The following FBXW8 variants were observed in gnomAD, a reference collection of about 807,000 sequenced individuals.
FBXW8 encodes F-box/WD repeat-containing protein 8.
In FBXW8, 57 loss-of-function variants were observed where a neutral mutation model predicts 65.3. That is an observed-to-expected ratio of 0.87 (90% CI 0.71 to 1.09). The LOEUF (loss-of-function observed/expected upper bound fraction) is 1.09, where lower values mean the gene tolerates loss of function less well. Ranked by LOEUF, FBXW8 falls within the 50% of genes least tolerant of loss-of-function variation. The pLI is 0.00. For missense variants in FBXW8, 777 were observed against 814.8 expected, an observed-to-expected ratio of 0.95 and a Z score of 0.57; for synonymous variants, 308 against 330.2, an observed-to-expected ratio of 0.93 and a Z score of 0.73.
chr12:116,952,041 C>G (rs1883317165), intron 4 of FBXW8, among the ~76,000 whole-genome samples: 1 of 152,212 alleles, frequency 6.6e-6, no homozygotes, highest in Non-Finnish European at 1.5e-5. Flanking sequence ...TTTGACATTT[C>G]TTTCCAAGCT....
At chr12:116,937,349 A>C (rs1882238979) in intron 2 of FBXW8, among the ~76,000 whole-genome samples, 1 of 152,170 alleles carries the variant, frequency 6.6e-6, no homozygotes, top group Non-Finnish European at 1.5e-5. Flanking sequence ...ACATTAAGGA[A>C]GTGAATGTAA....
chr12:116,925,536 T>C (rs1365635508), intron 1 of FBXW8, among the ~76,000 whole-genome samples: 1 of 152,204 alleles, frequency 6.6e-6, no homozygotes, highest in Admixed American at 6.5e-5. Flanking sequence ...TGGTTTCTTT[T>C]TTTTCCCTGC....
rs75012442 is a variant in FBXW8, at chr12:116,984,050, A to G, written c.836-1156A>G. ...TGGTGAATTTTGAAAAATTGAATCA[A>G]TTGGAATTGGAGCAAGGCATTAACC... is the stretch of plus-strand genomic sequence containing the variant. On this transcript the variant is annotated intron_variant, in intron 5 of 10. Transcript: ENST00000652555. Among the ~76,000 whole-genome samples, 653 of 152,296 alleles carry G rather than the reference A, an allele frequency of 4.3e-3. 3 individuals are homozygous for G. Among genetic ancestry groups the G allele is most frequent in the African/African-American group, 0.015 (604 of 41,564 alleles).
At position 116,949,928 on chromosome 12, in the gene FBXW8, A is replaced by G. The variant is rs1883172292; in HGVS notation, c.677+222A>G. The G allele has an allele frequency of 5.8e-6, 3 of 514,518 alleles. No homozygotes were observed. In the South Asian group the frequency reaches 8.3e-5, roughly 14 times the overall value. The allele number at this position is 514,518 out of a possible 1,614,324, so 31.9% of individuals were successfully genotyped here. ...ATGGTGTAGAGCGGATCTGTGATCC[A>G]TTTGTCTCAATATGTCTTTCCCAGC... On this transcript the variant is annotated intron_variant, in intron 4 of 10. Transcript: ENST00000652555.
At chr12:116,985,110 C>T (rs571218021) in intron 5 of FBXW8, 96 bp from the exon 6 acceptor site, 78 of 1,088,896 alleles carry the variant, frequency 7.2e-5, no homozygotes, top group Non-Finnish European at 8.5e-5. Flanking sequence ...AAGGTATCTC[C>T]GTTAAAAAAT....
chr12:116,969,109 A>T (rs1440771766), intron 5 of FBXW8, among the ~76,000 whole-genome samples: 1 of 152,022 alleles, frequency 6.6e-6, no homozygotes, highest in Non-Finnish European at 1.5e-5. Flanking sequence ...ATTTACATCA[A>T]GCTTGTCAGT....
At chr12:117,004,307 ATTCT>A (rs1953622192) in intron 7 of FBXW8, among the ~76,000 whole-genome samples, 2 of 151,838 alleles carry the variant, frequency 1.3e-5, no homozygotes, top group Non-Finnish European at 1.5e-5. Context: ...CTTATTTTGT[ATTCT>A]TTATTTGATC....
chr12:116,966,140 A>T (rs1884313123), intron 5 of FBXW8, among the ~76,000 whole-genome samples: 1 of 151,986 alleles, frequency 6.6e-6, no homozygotes, highest in Admixed American at 6.6e-5. Flanking sequence ...CTACTGATGG[A>T]TTTCCTTTTC....
At chr12:116,942,244 C>T (rs559441911) in intron 2 of FBXW8, among the ~76,000 whole-genome samples, 1 of 151,790 alleles carries the variant, frequency 6.6e-6, no homozygotes, top group African/African-American at 2.4e-5. Flanking sequence ...TCAGTGTGGC[C>T]TCAACTCATT....
At chr12:116,999,856 C>T (rs1953469609) in intron 7 of FBXW8, among the ~76,000 whole-genome samples, 1 of 152,238 alleles carries the variant, frequency 6.6e-6, no homozygotes, top group African/African-American at 2.4e-5. Context: ...TCTTCCTCTC[C>T]TGTCTTGCCA....
chr12:116,983,721 G>A (rs934644530), intron 5 of FBXW8, among the ~76,000 whole-genome samples: 10 of 152,176 alleles, frequency 6.6e-5, no homozygotes, highest in African/African-American at 1.9e-4. Context: ...CTAGATTTAC[G>A]GATGATCAAT....
intron 7 of FBXW8, among the ~76,000 whole-genome samples, chr12:116,996,146 G>C (rs1953368018): frequency 6.6e-6 from 1 of 152,168 alleles, no homozygotes; most frequent in Non-Finnish European, 1.5e-5. Context: ...TAGGTCTGAA[G>C]TACTTGGCAT....
chr12:117,014,899 T>C (rs1256144785), intron 8 of FBXW8, among the ~76,000 whole-genome samples: 1 of 152,162 alleles, frequency 6.6e-6, no homozygotes, highest in Non-Finnish European at 1.5e-5. Context: ...TCCTTACACT[T>C]TCCAGCCTTC....
In FBXW8 at chr12:116,929,577, G is replaced by T. The variant is rs183875320; in HGVS notation, c.423+1450G>T. Among the ~76,000 whole-genome samples, 272 of 152,100 alleles carry T rather than the reference G, an allele frequency of 1.8e-3. 1 individual carries two copies. Among genetic ancestry groups the T allele is most frequent in the South Asian group, 1.0e-2 (48 of 4,812 alleles). On this transcript the variant is annotated intron_variant, in intron 2 of 10. Transcript: ENST00000652555. ...AAAATTTCATTTTATTTTTTTAAAT[G>T]GACAAATAAAGTTATATATATGTAT...
Position 117,027,378 on chromosome 12 carries a change from T to C in FBXW8, c.1542-16T>C. On this transcript the variant is annotated splice_polypyrimidine_tract_variant and intron_variant, in intron 9 of 10. Coordinates refer to ENST00000652555, the MANE Select transcript of FBXW8 (RefSeq NM_153348.3). Reference sequence around the variant, plus strand: ...AGTGGACGCCCCCTTACGAGCTCTCTCCCACTGCCTTCCAGGCACCCGGTG... The same window carrying C: ...AGTGGACGCCCCCTTACGAGCTCTCCCCCACTGCCTTCCAGGCACCCGGTG... 1 of 1,611,140 alleles carries C rather than the reference T, an allele frequency of 6.2e-7. No individual in the cohort carries two copies.
intron 4 of FBXW8, among the ~76,000 whole-genome samples, chr12:116,952,857 C>T (rs926121286): frequency 2.0e-5 from 3 of 152,180 alleles, no homozygotes; most frequent in Non-Finnish European, 4.4e-5. Context: ...CCTGCTTCAG[C>T]CTCCCGAGTA....
intron 5 of FBXW8, among the ~76,000 whole-genome samples, chr12:116,983,327 T>C (rs1885447722): frequency 6.6e-6 from 1 of 152,190 alleles, no homozygotes; most frequent in Admixed American, 6.5e-5. Context: ...TTTGCCAAAA[T>C]AATTGCCAGG....
rs1276783868 is a variant in FBXW8, at chr12:116,949,606, T to C, written c.589-12T>C. The C allele has an allele frequency of 8.1e-6, 13 of 1,613,934 alleles. No homozygotes were observed. The highest frequency in any genetic ancestry group is 8.5e-6 in the Non-Finnish European group (10 of 1,179,898). On this transcript the variant is annotated splice_polypyrimidine_tract_variant and intron_variant, in intron 3 of 10. Transcript: ENST00000652555. ...GAGCAGTCTAAACTGCATCCCCCTTTTCCTCACGCAGAATCGCAAAGGTGC... is the reference window on the plus strand; with the variant it reads ...GAGCAGTCTAAACTGCATCCCCCTTCTCCTCACGCAGAATCGCAAAGGTGC...
chr12:116,924,679 T>G (rs992751070), intron 1 of FBXW8, among the ~76,000 whole-genome samples: 96 of 152,184 alleles, frequency 6.3e-4, no homozygotes, highest in African/African-American at 2.1e-3. Context: ...CCTAAGACAT[T>G]CTGCTGCCCG....
Sources: allele counts gnomAD v4.1 joint callset (sites outside exome capture counted in the v4.1 genomes callset), GRCh38; gene constraint gnomAD v4.1.1; transcripts MANE v1.5; gene names NCBI Gene and HGNC (gene_info 2026-07-23, HGNC 2026-07-21).